Variants in CDCP2 observed in about 807,000 individuals in gnomAD.
The protein encoded by CDCP2 is CUB domain containing protein 2.
In CDCP2, 31 loss-of-function variants were observed where a neutral mutation model predicts 31.0. That is an observed-to-expected ratio of 1.00 (90% CI 0.75 to 1.35). CDCP2 has a LOEUF of 1.35. Ranked by LOEUF, CDCP2 falls within the 40% of genes most tolerant of loss-of-function variation. The pLI is 0.00. For missense variants in CDCP2, 443 were observed against 482.6 expected (o/e 0.92, Z 0.77); for synonymous variants, 206 against 207.9 (o/e 0.99, Z 0.08).
At chr1:54,140,595 G>A in intron 3 of CDCP2, 1 of 220,126 alleles carries the variant, frequency 4.5e-6, no homozygotes, top group Non-Finnish European at 9.0e-6. Flanking sequence ...CTCCTTCAGG[G>A]TACTGCTCAA....
chr1:54,149,474 T>TCATTGTA (rs1306384036), intron 1 of CDCP2, among the ~76,000 whole-genome samples: 1 of 149,388 alleles, frequency 6.7e-6, no homozygotes, highest in Non-Finnish European at 1.5e-5. Context: ...ACGTAGGGAT[T>TCATTGTA]CATTGTATGA....
At chr1:54,144,597 C>T (rs1167611784) in exon 2 of CDCP2, 1 of 1,614,206 alleles carries the variant, frequency 6.2e-7, no homozygotes, top group Non-Finnish European at 8.5e-7. Context: ...CAGCAGGTTG[C>T]CCTTGTCTGG....
chr1:54,151,754 T>G (rs577836233), intron 1 of CDCP2, among the ~76,000 whole-genome samples: 3 of 152,134 alleles, frequency 2.0e-5, no homozygotes, highest in African/African-American at 7.2e-5. Flanking sequence ...AGGTAAACAA[T>G]GCTTGGAAGG....
chr1:54,137,550 C>T (rs911232658), intron 4 of CDCP2, among the ~76,000 whole-genome samples: 3 of 152,146 alleles, frequency 2.0e-5, no homozygotes, highest in East Asian at 1.9e-4. Context: ...AGTGGCCAAC[C>T]GGGTCGACAG....
At chr1:54,140,294 C>A in intron 3 of CDCP2, 188 bp from the exon 4 acceptor site, 1 of 610,666 alleles carries the variant, frequency 1.6e-6, no homozygotes, top group Non-Finnish European at 2.9e-6. Flanking sequence ...GATCCCAAAG[C>A]TTGTTTTAAA....
chr1:54,143,088 C>A (rs1055516290), intron 2 of CDCP2: 1 of 152,168 alleles, frequency 6.6e-6, no homozygotes, highest in African/African-American at 2.4e-5. Flanking sequence ...GTAATCCCAG[C>A]ACTTTGGGAG....
chr1:54,136,524 T>C (rs1659260741), intron 5 of CDCP2, 106 bp downstream of exon 5: 1 of 398,386 alleles, frequency 2.5e-6, no homozygotes, highest in Non-Finnish European at 4.4e-6. Flanking sequence ...CATCCAGGCC[T>C]GTGTGGCCCC....
rs146172479 is a variant in CDCP2, at chr1:54,147,406, G to A, written c.80-2593C>T. 3.3e-4 allele frequency among the ~76,000 whole-genome samples: 50 copies of A among 151,628 alleles called. 3 individuals are homozygous for A. Among genetic ancestry groups the A allele is most frequent in the African/African-American group, 1.2e-3 (48 of 41,098 alleles). ...AGATGGTGAGGGAAAACTTATTGTC[G>A]GCCCAGGCTGGAGTGCAATGGTGCA... On this transcript the variant is annotated intron_variant, in intron 1 of 5. Coordinates refer to ENST00000530059, the Ensembl canonical transcript of CDCP2.
chr1:54,140,387 A>G, intron 3 of CDCP2: 3 of 499,294 alleles, frequency 6.0e-6, no homozygotes, highest in South Asian at 2.0e-5. Context: ...ATTCAATAAT[A>G]ATACACAATA....
chr1:54,145,693 T>C (rs1030021590), intron 1 of CDCP2, among the ~76,000 whole-genome samples: 2 of 152,196 alleles, frequency 1.3e-5, no homozygotes, highest in African/African-American at 4.8e-5. Flanking sequence ...GATTTGCTTG[T>C]GTTTGACAAA....
chr1:54,144,319 T>G (rs1390808848), intron 2 of CDCP2, 147 bp downstream of exon 2: 1 of 688,376 alleles, frequency 1.5e-6, no homozygotes, highest in Non-Finnish European at 2.4e-6. Flanking sequence ...GCTGCTATCT[T>G]CCCATCTCCA....
intron 1 of CDCP2, among the ~76,000 whole-genome samples, chr1:54,150,362 AG>A (rs1659559936): frequency 6.6e-6 from 1 of 152,192 alleles, no homozygotes; most frequent in Non-Finnish European, 1.5e-5. Context: ...TGGGAGGCCA[AG>A]GTGGGTGGAT....
chr1:54,137,185 T>C (rs1260993029), intron 4 of CDCP2, among the ~76,000 whole-genome samples: 1 of 152,230 alleles, frequency 6.6e-6, no homozygotes, highest in African/African-American at 2.4e-5. Context: ...AACAAATATA[T>C]TGATGGCCTG....
At chr1:54,134,419 T>C (rs1349049710) in intron 5 of CDCP2, among the ~76,000 whole-genome samples, 2 of 152,188 alleles carry the variant, frequency 1.3e-5, no homozygotes, top group Non-Finnish European at 2.9e-5. Flanking sequence ...CCTGAGACAA[T>C]GGGCCTGCAG....
chr1:54,151,622 A>C (rs1262568508), intron 1 of CDCP2, among the ~76,000 whole-genome samples: 1 of 152,138 alleles, frequency 6.6e-6, no homozygotes, highest in East Asian at 1.9e-4. Flanking sequence ...GCATGGGTTG[A>C]GATGCTTGGG....
intron 5 of CDCP2, among the ~76,000 whole-genome samples, chr1:54,133,705 A>G (rs149439868): frequency 0.031 from 4,741 of 152,050 alleles, 122 homozygotes; most frequent in Non-Finnish European, 0.046. Flanking sequence ...GACCATCCTG[A>G]CTAACACCAT....
chr1:54,148,978 T>A (rs930575956), intron 1 of CDCP2, among the ~76,000 whole-genome samples: 50 of 146,962 alleles, frequency 3.4e-4, no homozygotes, highest in African/African-American at 4.7e-4. Flanking sequence ...AAAAAAAATA[T>A]ATATATATAT....
rs184533715 is a variant in CDCP2 at position 54,141,205 on chromosome 1, C to A, written c.656G>T (p.Gly219Val). 5.4e-5 allele frequency: 87 copies of A among 1,608,684 alleles called. No homozygotes were observed. The Admixed American group carries it at 1.4e-3, about 27-fold the overall frequency. Reference sequence around the variant, plus strand: ...CACGAGGGTGGGGGGCCTGGTGCTGCCACAGTAGTGGTGCCCACGGGTGGG... The same window carrying A: ...CACGAGGGTGGGGGGCCTGGTGCTGACACAGTAGTGGTGCCCACGGGTGGG... Residue 219 changes from glycine to valine, a missense_variant, in exon 3 of 6, where the codon GGC (glycine) becomes GTC (valine). Coordinates refer to ENST00000530059, the Ensembl canonical transcript of CDCP2.
chr1:54,146,711 A>G (rs149612573), intron 1 of CDCP2, among the ~76,000 whole-genome samples: 115 of 151,928 alleles, frequency 7.6e-4, no homozygotes, highest in Non-Finnish European at 1.4e-3. Flanking sequence ...TACCAGGTTT[A>G]ATACAGGAAA....
Sources: gnomAD v4.1 joint callset for allele counts (sites outside exome capture counted in the v4.1 genomes callset) on GRCh38, gnomAD v4.1.1 for gene constraint, MANE v1.5 for transcripts, NCBI Gene and HGNC (gene_info 2026-07-23, HGNC 2026-07-21) for gene names.